The following DBP variants were observed in gnomAD, a reference collection of about 807,000 sequenced individuals.
DBP encodes D-box binding PAR bZIP transcription factor.
Under a neutral mutation model 21.4 loss-of-function variants are expected in DBP, and 12 were observed. The ratio of observed to expected loss-of-function variants is 0.56; its 90% CI spans 0.36 to 0.91. The LOEUF (loss-of-function observed/expected upper bound fraction) is 0.91. Ranked by LOEUF, DBP falls within the 40% of genes least tolerant of loss-of-function variation. DBP has a pLI of 0.01. For synonymous variants in DBP, 213 were observed against 224.9 expected, an observed-to-expected ratio of 0.95 and a Z score of 0.47; for missense variants, 423 against 473.4, an observed-to-expected ratio of 0.89 and a Z score of 0.99.
chr19:48,636,113 G>A (rs1029715632), intron 1 of DBP, 123 bp from the exon 2 acceptor site: 1 of 962,136 alleles, frequency 1.0e-6, no homozygotes, highest in Non-Finnish European at 1.4e-6. Context: ...GGGGGTCGGA[G>A]AGGAGAGACG....
At chr19:48,634,737 G>C (rs1164110021) in intron 2 of DBP, 1 of 985,446 alleles carries the variant, frequency 1.0e-6, no homozygotes, top group Non-Finnish European at 1.2e-6. Context: ...GTAGGGCCCT[G>C]GTTCGGCCCG....
Position 48,635,584 on chromosome 19 carries a change from G to A in DBP, c.546C>T (p.Arg182=). The part of the protein sequence containing the change: ...RAALGTASGH[R]AGLTSRDTPS... Reference sequence around the variant, plus strand: ...GCCCCGCCCCCTTCGCCGCACCTGCGCGGTGGCCGCTGGCGGTCCCGAGGG... The same window carrying A: ...GCCCCGCCCCCTTCGCCGCACCTGCACGGTGGCCGCTGGCGGTCCCGAGGG... The change falls in exon 2 of 4, where the codon CGC becomes CGT. Residue 182 remains arginine (R), a synonymous_variant. Transcript: ENST00000222122. 1 of 1,368,784 alleles carries A rather than the reference G, an allele frequency of 7.3e-7. No individual in the cohort carries two copies. The highest frequency in any genetic ancestry group is 1.7e-5 in the South Asian group (1 of 59,310). 84.8% of individuals were successfully genotyped at this position (1,368,784 alleles called of 1,614,324 possible).
chr19:48,637,100 G>A lies in DBP; in HGVS notation c.-106C>T, dbSNP rs2030840483. The A allele has an allele frequency of 1.8e-6, 2 of 1,109,572 alleles. No individual in the cohort carries two copies. The highest frequency in any genetic ancestry group is 2.5e-6 in the Non-Finnish European group (2 of 814,444). 68.7% of individuals were successfully genotyped at this position (1,109,572 alleles called of 1,614,324 possible). A position where few individuals can be genotyped will look rare whatever the true frequency, so the allele number is the denominator to read the frequency against. ...TTTGGACGAGTGTCTGCCCAGGGGC[G>A]GGCGAGTGTAGCCTGCAACCCTCCA... On this transcript the variant is annotated 5_prime_UTR_variant, in exon 1 of 4. Transcript: ENST00000222122.
chr19:48,631,260 C>A, intron 3 of DBP: 1 of 580,486 alleles, frequency 1.7e-6, no homozygotes, highest in Non-Finnish European at 3.1e-6. Flanking sequence ...CACCCTCAAG[C>A]AACTCGCTTC....
rs928380809 is a variant in DBP at position 48,635,873 on chromosome 19, G to A, written c.257C>T (p.Ser86Phe). Residue 86 changes from serine (S) to phenylalanine (F), a missense_variant, in exon 2 of 4, where the codon TCC becomes TTC. Physicochemically the swap from Ser to Phe is radical, Grantham distance 155. Around this residue, in one of 4 missense-constraint regions of DBP, gnomAD observed 283 missense variants for 273.7 expected, o/e 1.03. Coordinates refer to ENST00000222122, the MANE Select transcript of DBP (RefSeq NM_001352.5). ...APAGAVVGGG[S>F]PRGRPGPVPA... is the part of the protein sequence containing the mutation. ...CACCGGCCCCGGGCGCCCCCGCGGG[G>A]ACCCTCCGCCCACCACTGCCCCAGC... 11 of 1,400,594 alleles carry A rather than the reference G, an allele frequency of 7.9e-6. No individual in the cohort carries two copies. The highest frequency in any genetic ancestry group is 1.5e-5 in the African/African-American group (1 of 65,642). The allele number at this position is 1,400,594 out of a possible 1,614,324, so 86.8% of individuals were successfully genotyped here. A position where few individuals can be genotyped will look rare whatever the true frequency, so the allele number is the denominator to read the frequency against.
intron 1 of DBP, among the ~76,000 whole-genome samples, chr19:48,636,478 G>A (rs1009180148): frequency 6.6e-6 from 1 of 151,880 alleles, no homozygotes; most frequent in Non-Finnish European, 1.5e-5. Flanking sequence ...TAGACTCCAT[G>A]TGACCCCATG....
chr19:48,633,733 C>G, intron 2 of DBP, 78 bp from the exon 3 acceptor site: 1 of 1,223,002 alleles, frequency 8.2e-7, no homozygotes, highest in Non-Finnish European at 1.2e-6. Context: ...GCTGTGGTAT[C>G]ATAGCCACAT....
At chr19:48,631,720 C>A (rs1416500225) in intron 3 of DBP, 3 of 152,200 alleles carry the variant, frequency 2.0e-5, no homozygotes, top group Admixed American at 6.5e-5. Flanking sequence ...GAGGATTATA[C>A]CTAAAGTCCT....
Position 48,635,619 on chromosome 19 carries a change from C to A in DBP, c.511G>T (p.Ala171Ser), listed in dbSNP as rs537199001. The A allele has an allele frequency of 3.7e-6, 5 of 1,343,730 alleles. No homozygotes were observed. The South Asian group carries it at 5.7e-5, about 15-fold the overall frequency. The allele number at this position is 1,343,730 out of a possible 1,614,324, so 83.2% of individuals were successfully genotyped here. Reference sequence around the variant, plus strand: ...CTGGCGGTCCCGAGGGCAGCCCGGGCGGGGGCGTGCCCAGGAGAGGAGCGG... The same window carrying A: ...CTGGCGGTCCCGAGGGCAGCCCGGGAGGGGGCGTGCCCAGGAGAGGAGCGG... ...SPRSSPGHAP[A>S]RAALGTASGH... The change falls in exon 2 of 4, where the codon GCC (alanine) becomes TCC (serine). Residue 171 changes from alanine (A) to serine (S), a missense_variant. By Grantham distance (99) the Ala-to-Ser change is moderately conservative (BLOSUM62 1). Coordinates refer to ENST00000222122, the MANE Select transcript of DBP (RefSeq NM_001352.5).
At chr19:48,632,210 C>T (rs922534857) in intron 3 of DBP, 2 of 151,798 alleles carry the variant, frequency 1.3e-5, no homozygotes, top group African/African-American at 2.4e-5. Flanking sequence ...GATCTCGGCT[C>T]ACTGCAACCT....
chr19:48,634,559 G>C, intron 2 of DBP: 1 of 399,490 alleles, frequency 2.5e-6, no homozygotes, highest in Non-Finnish European at 3.4e-6. Context: ...TCAGGGCCGA[G>C]TCACGTGCTG....
At position 48,636,922 on chromosome 19, in the gene DBP, C is replaced by G. The variant is rs371234571; in HGVS notation, c.73G>C (p.Gly25Arg). The change falls in exon 1 of 4, where the codon GGG becomes CGG. Residue 25 changes from glycine to arginine, a missense_variant. Gly to Arg is a moderately radical substitution (Grantham distance 125). Around this residue, in one of 4 missense-constraint regions of DBP, gnomAD observed 283 missense variants for 273.7 expected, o/e 1.03. Coordinates refer to ENST00000222122, the MANE Select transcript of DBP (RefSeq NM_001352.5). ...LGGPAGTPPG[G>R]GALLGLRSLL... is the part of the protein sequence containing the mutation. ...CTCCGCAACCCAAGCAGCGCTCCCC[C>G]GCCAGGGGGTGTCCCGGCCGGGCCG... 4 of 1,593,214 alleles carry G rather than the reference C, an allele frequency of 2.5e-6. No individual in the cohort carries two copies. Among genetic ancestry groups the G allele is most frequent in the Non-Finnish European group, 3.4e-6 (4 of 1,170,936 alleles).
chr19:48,630,663 G>T lies in DBP; in HGVS notation c.*174C>A. 1.4e-6 allele frequency: 2 copies of T among 1,446,876 alleles called. No individual in the cohort carries two copies. The highest frequency in any genetic ancestry group is 1.4e-5 in the African/African-American group (1 of 69,990). 89.6% of individuals were successfully genotyped at this position (1,446,876 alleles called of 1,614,324 possible). A position where few individuals can be genotyped will look rare whatever the true frequency, so the allele number is the denominator to read the frequency against. ...CACACAGAGAACCCTCCCCGCCCCC[G>T]CAAGGGAGGGGGGAGGCTCGCTTTT... On this transcript the variant is annotated 3_prime_UTR_variant, in exon 4 of 4. Transcript: ENST00000222122. This position sits in a 1 kb window ranked among gnomAD's most constrained non-coding sequence, Gnocchi z 4.9.
intron 2 of DBP, chr19:48,634,100 C>A: frequency 5.8e-6 from 1 of 171,492 alleles, no homozygotes; most frequent in Admixed American, 5.6e-5. Flanking sequence ...AGCGAGACTC[C>A]GTCTCCAAAA....
intron 2 of DBP, chr19:48,635,251 A>G: frequency 8.5e-7 from 1 of 1,178,018 alleles, no homozygotes; most frequent in Non-Finnish European, 1.1e-6. Flanking sequence ...CTCCCCAGTA[A>G]ATAACTCTGG....
rs1041653767 is a variant in DBP, at chr19:48,630,672, G to C, written c.*165C>G. On this transcript the variant is annotated 3_prime_UTR_variant, in exon 4 of 4. Transcript: ENST00000222122. This position sits in a 1 kb window ranked among gnomAD's most constrained non-coding sequence, Gnocchi z 4.9. ...AACCCTCCCCGCCCCCGCAAGGGAG[G>C]GGGGAGGCTCGCTTTTTCTTAAAAA... The C allele has an allele frequency of 7.7e-6, 11 of 1,435,022 alleles. No individual in the cohort carries two copies. In the Admixed American group the frequency reaches 1.3e-4, roughly 18 times the overall value. The allele number at this position is 1,435,022 out of a possible 1,614,324, so 88.9% of individuals were successfully genotyped here.
intron 2 of DBP, chr19:48,634,637 C>T: frequency 1.1e-6 from 1 of 929,818 alleles, no homozygotes; most frequent in Non-Finnish European, 1.2e-6. Context: ...TTCCCCCGGC[C>T]CCGCCCCCCT....
intron 2 of DBP, chr19:48,634,026 G>A: frequency 3.4e-6 from 1 of 295,796 alleles, no homozygotes; most frequent in East Asian, 9.0e-5. Flanking sequence ...CTTGAACCCG[G>A]ACCCTGGAGG....
chr19:48,633,061 T>C (rs1188176954), intron 3 of DBP: 5 of 432,664 alleles, frequency 1.2e-5, no homozygotes, highest in Non-Finnish European at 2.1e-5. Context: ...TGGTGTAATC[T>C]TGGCTCACTG....
Sources: allele counts gnomAD v4.1 joint callset (sites outside exome capture counted in the v4.1 genomes callset), GRCh38; gene constraint gnomAD v4.1.1; regional missense constraint gnomAD v4.1.1; non-coding constraint Gnocchi (gnomAD v3.1); transcripts MANE v1.5; gene names NCBI Gene and HGNC (gene_info 2026-07-23, HGNC 2026-07-21).